GRIK2: variants seen among roughly 807,000 people sequenced by gnomAD.
GRIK2 encodes the protein glutamate receptor ionotropic, kainate 2.
In GRIK2, 32 loss-of-function variants were observed where a neutral mutation model predicts 100.3. That is an observed-to-expected ratio of 0.32 (90% CI 0.24 to 0.43). GRIK2 has a LOEUF of 0.43. GRIK2 is among the 20% of genes least tolerant of loss of function. GRIK2 has a pLI of 1.00. For missense variants in GRIK2, 843 were observed against 1,114.9 expected, an observed-to-expected ratio of 0.76 and a Z score of 3.47; for synonymous variants, 417 against 389.4, an observed-to-expected ratio of 1.07 and a Z score of -0.83.
chr6:101,860,895 G>A lies in GRIK2; in HGVS notation c.1524+1402G>A, dbSNP rs190354094. ...ATTTATTTTTATTTCTCAGATATTAGGAGAAAGTGAATTTCTGAGGCATTA... is the reference window on the plus strand; with the variant it reads ...ATTTATTTTTATTTCTCAGATATTAAGAGAAAGTGAATTTCTGAGGCATTA... On this transcript the variant is annotated intron_variant, in intron 11 of 16. Transcript: ENST00000369134. 16 of 840,828 alleles carry A rather than the reference G, an allele frequency of 1.9e-5. No homozygotes were observed. In the East Asian group the frequency reaches 1.5e-3, roughly 77 times the overall value. 52.1% of individuals were successfully genotyped at this position (840,828 alleles called of 1,614,324 possible).
chr6:101,506,699 T>G (rs1161665832), intron 2 of GRIK2, among the ~76,000 whole-genome samples: 1 of 152,148 alleles, frequency 6.6e-6, no homozygotes, highest in Admixed American at 6.6e-5. Context: ...TACTGTTAGC[T>G]CATGAAGTAT....
intron 2 of GRIK2, among the ~76,000 whole-genome samples, chr6:101,563,223 G>C (rs1323039690): frequency 6.6e-6 from 1 of 152,096 alleles, no homozygotes; most frequent in Non-Finnish European, 1.5e-5. Flanking sequence ...ATCAGGCAGG[G>C]CTTCTTTCTT....
intron 2 of GRIK2, among the ~76,000 whole-genome samples, chr6:101,551,627 T>A (rs1280824948): frequency 6.6e-6 from 1 of 152,166 alleles, no homozygotes; most frequent in Non-Finnish European, 1.5e-5. Flanking sequence ...CCCGCACTGT[T>A]CTGGACTCTT....
At chr6:101,579,310 A>C (rs1489712074) in intron 2 of GRIK2, among the ~76,000 whole-genome samples, 2 of 152,136 alleles carry the variant, frequency 1.3e-5, no homozygotes, top group African/African-American at 4.8e-5. Flanking sequence ...TTCTTTTCAT[A>C]ATACCATAAT....
intron 2 of GRIK2, among the ~76,000 whole-genome samples, chr6:101,548,748 G>A (rs905743234): frequency 6.6e-6 from 1 of 152,082 alleles, no homozygotes; most frequent in Non-Finnish European, 1.5e-5. Context: ...GAGTGCTTAG[G>A]ATCTGCCAGG....
chr6:101,734,615 C>G (rs1775508672), intron 7 of GRIK2, among the ~76,000 whole-genome samples: 1 of 152,056 alleles, frequency 6.6e-6, no homozygotes, highest in Admixed American at 6.6e-5. Context: ...TATAATTAAC[C>G]ATCACAGGGA....
chr6:101,842,654 A>G (rs1395825961), intron 10 of GRIK2, among the ~76,000 whole-genome samples: 1 of 152,086 alleles, frequency 6.6e-6, no homozygotes, highest in Middle Eastern at 3.2e-3. Context: ...TGAAAGTTAA[A>G]CTCACTATTC....
intron 12 of GRIK2, among the ~76,000 whole-genome samples, chr6:101,890,952 A>G (rs954102707): frequency 6.6e-6 from 1 of 150,780 alleles, no homozygotes; most frequent in Non-Finnish European, 1.5e-5. Context: ...TTTTTCATGG[A>G]GATAAAAATA....
chr6:101,421,607 T>C (rs927155324), intron 2 of GRIK2, among the ~76,000 whole-genome samples: 2 of 152,180 alleles, frequency 1.3e-5, no homozygotes, highest in Non-Finnish European at 2.9e-5. Flanking sequence ...AGTAATGTCT[T>C]AAAGTCAGAT....
intron 2 of GRIK2, among the ~76,000 whole-genome samples, chr6:101,579,494 CTTTCTT>C (rs1777957887): frequency 3.5e-5 from 5 of 141,118 alleles, no homozygotes. Flanking sequence ...CTTTCTCTTT[CTTTCTT>C]TTTCTTTTTC....
At chr6:101,977,676 C>T (rs553327381) in intron 14 of GRIK2, among the ~76,000 whole-genome samples, 2 of 152,024 alleles carry the variant, frequency 1.3e-5, no homozygotes, top group South Asian at 2.1e-4. Context: ...TGGAGGCTGT[C>T]GGCCAACTCT....
chr6:101,870,820 A>G (rs1785366998), intron 11 of GRIK2, among the ~76,000 whole-genome samples: 1 of 151,910 alleles, frequency 6.6e-6, no homozygotes, highest in Non-Finnish European at 1.5e-5. Context: ...GAAACACATA[A>G]TATTTAAAAC....
chr6:101,865,599 C>T (rs1258847791), intron 11 of GRIK2, among the ~76,000 whole-genome samples: 1 of 151,946 alleles, frequency 6.6e-6, no homozygotes, highest in Admixed American at 6.6e-5. Context: ...TGAAAATAAA[C>T]AAAAAGGCTA....
At chr6:101,573,873 A>C (rs1278199961) in intron 2 of GRIK2, among the ~76,000 whole-genome samples, 3 of 152,094 alleles carry the variant, frequency 2.0e-5, no homozygotes, top group Admixed American at 1.3e-4. Context: ...TTTATGGTAG[A>C]ATTTAAAAGC....
intron 14 of GRIK2, among the ~76,000 whole-genome samples, chr6:102,016,097 T>C (rs1047877333): frequency 6.6e-6 from 1 of 151,660 alleles, no homozygotes; most frequent in African/African-American, 2.4e-5. Flanking sequence ...AACTAGAGTG[T>C]GTTTCCTCCA....
chr6:101,837,312 G>T (rs1433664206), intron 10 of GRIK2, among the ~76,000 whole-genome samples: 1 of 152,054 alleles, frequency 6.6e-6, no homozygotes, highest in Non-Finnish European at 1.5e-5. Flanking sequence ...AAGTTCTGGA[G>T]ATCTAAGCTA....
chr6:101,407,788 T>C (rs1775670776), intron 2 of GRIK2, among the ~76,000 whole-genome samples: 1 of 152,088 alleles, frequency 6.6e-6, no homozygotes, highest in Admixed American at 6.6e-5. Context: ...TGTAATCCAG[T>C]TAAAGAGAAA....
chr6:101,761,942 C>A (rs908384694), intron 7 of GRIK2, among the ~76,000 whole-genome samples: 5 of 86,404 alleles, frequency 5.8e-5, no homozygotes, highest in Non-Finnish European at 9.7e-5. Context: ...CTTTTCCTTC[C>A]TTTCCTTCCT....
intron 7 of GRIK2, among the ~76,000 whole-genome samples, chr6:101,730,702 A>G (rs1486193724): frequency 2.6e-5 from 4 of 151,736 alleles, no homozygotes; most frequent in African/African-American, 9.7e-5. Context: ...GAGACAAGTG[A>G]AAGTGGAAGG....
Sources: gnomAD v4.1 joint callset for allele counts (sites outside exome capture counted in the v4.1 genomes callset) on GRCh38, gnomAD v4.1.1 for gene constraint, MANE v1.5 for transcripts, NCBI Gene and HGNC (gene_info 2026-07-23, HGNC 2026-07-21) for gene names.